The following CHD4 variants were observed in gnomAD, a reference collection of about 807,000 sequenced individuals.
CHD4 encodes the protein ATP-dependent chromatin remodeler CHD4.
Under a neutral mutation model 235.5 loss-of-function variants are expected in CHD4, and 35 were observed. The ratio of observed to expected loss-of-function variants is 0.15; its 90% confidence interval spans 0.11 to 0.20. The LOEUF is 0.20. Ranked by LOEUF, CHD4 falls within the 10% of genes least tolerant of loss-of-function variation. The pLI is 1.00. For missense variants in CHD4, 1,329 were observed against 2,432.3 expected, an observed-to-expected ratio of 0.55 and a Z score of 9.54; for synonymous variants, 900 against 850.2, an observed-to-expected ratio of 1.06 and a Z score of -1.02.
At chr12:6,591,282 A>G (rs1948395414) in intron 22 of CHD4, 184 bp downstream of exon 22, 4 of 560,492 alleles carry the variant, frequency 7.1e-6, no homozygotes, top group Non-Finnish European at 1.2e-5. Context: ...AAATACCCCA[A>G]AAGAAAAAAT....
chr12:6,584,292 A>G (rs1202741068), intron 25 of CHD4: 1 of 152,190 alleles, frequency 6.6e-6, no homozygotes, highest in Non-Finnish European at 1.5e-5. Context: ...TACACATAAA[A>G]TATTTTTGGA....
chr12:6,602,008 G>C lies in CHD4; in HGVS notation c.390C>G (p.Ser130=). ...CCTCCTCCTCCTCCTCCTTCCGCTT[G>C]GATTTGCTCTTCTTCTCTTTCTTAG... is the stretch of plus-strand genomic sequence containing the variant. ...LGPKKEKKSK[S]KRKEEEEEED... is the part of the protein sequence containing the mutation. The change falls in exon 4 of 40, where the codon TCC becomes TCG. Residue 130 remains serine, a synonymous_variant. Coordinates refer to ENST00000544040, the MANE Select transcript of CHD4 (RefSeq NM_001273.5). 6.2e-7 allele frequency: 1 copy of C among 1,611,178 alleles called. No individual in the cohort carries two copies. The highest frequency in any genetic ancestry group is 8.5e-7 in the Non-Finnish European group (1 of 1,179,910).
At chr12:6,599,630 C>G in intron 10 of CHD4, 143 bp downstream of exon 10, 1 of 1,026,198 alleles carries the variant, frequency 9.7e-7, no homozygotes, top group Non-Finnish European at 1.4e-6. Context: ...ACAAAAGTAT[C>G]CCAACACTAT....
At chr12:6,604,634 C>G (rs1165170999) in intron 2 of CHD4, among the ~76,000 whole-genome samples, 1 of 152,120 alleles carries the variant, frequency 6.6e-6, no homozygotes, top group African/African-American at 2.4e-5. Flanking sequence ...AAAGACAACC[C>G]ATGGAGGCAA....
At position 6,601,291 on chromosome 12, in the gene CHD4, T is replaced by C. The variant is rs1478217768; in HGVS notation, c.797A>G (p.Lys266Arg). 6 of 1,613,576 alleles carry C rather than the reference T, an allele frequency of 3.7e-6. No individual in the cohort carries two copies. Among genetic ancestry groups the C allele is most frequent in the Non-Finnish European group, 5.1e-6 (6 of 1,179,674 alleles). The change falls in exon 6 of 40, where the codon AAA becomes AGA. Residue 266 changes from lysine (K) to arginine (R), a missense_variant and splice_region_variant. Transcript: ENST00000544040. ...CTCCCATTTGAACCCCATTTCACCTTTGCCCTCCTTGGTCTTGGCCTTGCG... is the reference window on the plus strand; with the variant it reads ...CTCCCATTTGAACCCCATTTCACCTCTGCCCTCCTTGGTCTTGGCCTTGCG... ...PIRKAKTKEGKGPNARRKPKG... is the reference protein window; with the variant it reads ...PIRKAKTKEGRGPNARRKPKG...
chr12:6,583,665 T>G, intron 25 of CHD4: 1 of 348,152 alleles, frequency 2.9e-6, no homozygotes, highest in Non-Finnish European at 5.1e-6. Flanking sequence ...CCCCTTGCAC[T>G]GATGCATATA....
At position 6,600,024 on chromosome 12, in the gene CHD4, G is replaced by C; in HGVS notation, c.1243-12C>G. 1 of 1,613,636 alleles carries C rather than the reference G, an allele frequency of 6.2e-7. No homozygotes were observed. On this transcript the variant is annotated splice_polypyrimidine_tract_variant and intron_variant, in intron 9 of 39. Coordinates refer to ENST00000544040, the MANE Select transcript of CHD4 (RefSeq NM_001273.5). The stretch of plus-strand genomic sequence containing the variant: ...ATGCCTTCCTTCTCCTGCAGTAAAG[G>C]ACCACAGATTCAGATTATTACCCCC...
intron 23 of CHD4, 127 bp downstream of exon 23, chr12:6,588,171 A>C: frequency 7.5e-7 from 1 of 1,336,764 alleles, no homozygotes; most frequent in East Asian, 2.3e-5. Context: ...TAAGGTAAAC[A>C]ACACAAAAAG....
chr12:6,583,658 C>G, intron 25 of CHD4: 1 of 372,500 alleles, frequency 2.7e-6, no homozygotes, highest in Admixed American at 4.3e-5. Context: ...CTTCTAACCC[C>G]TTGCACTGAT....
intron 18 of CHD4, 62 bp downstream of exon 18, chr12:6,592,634 A>G: frequency 6.3e-7 from 1 of 1,588,392 alleles, no homozygotes; most frequent in Non-Finnish European, 8.6e-7. Flanking sequence ...GATACAGGAA[A>G]TGGGCAACAG....
chr12:6,570,109 A>G lies in CHD4; in HGVS notation c.*567T>C, dbSNP rs1947931311. On this transcript the variant is annotated 3_prime_UTR_variant, in exon 40 of 40. Transcript: ENST00000544040. ...AAATACAAGGAAACTTTTATTTTCA[A>G]TTTTCATCAAGAAATTTGCTGTGGT... The G allele has an allele frequency of 6.5e-6, 1 of 152,750 alleles. No homozygotes were observed. The highest frequency in any genetic ancestry group is 2.4e-5 in the African/African-American group (1 of 41,312). The allele number at this position is 152,750 out of a possible 1,614,324, so 9.5% of individuals were successfully genotyped here.
At chr12:6,582,543 A>G in intron 29 of CHD4, 72 bp downstream of exon 29, 2 of 1,542,542 alleles carry the variant, frequency 1.3e-6, no homozygotes, top group Non-Finnish European at 1.7e-6. Flanking sequence ...GGCTAGGCCT[A>G]GAACCATGGA....
chr12:6,585,770 G>C, intron 25 of CHD4, among the ~76,000 whole-genome samples: 1 of 143,008 alleles, frequency 7.0e-6, no homozygotes, highest in African/African-American at 2.6e-5. Context: ...GCCTGGGCGG[G>C]AAAGCAAGAC....
intron 7 of CHD4, 46 bp downstream of exon 7, chr12:6,600,880 C>T (rs377625333): frequency 7.8e-6 from 12 of 1,535,184 alleles, no homozygotes; most frequent in Non-Finnish European, 1.0e-5. Flanking sequence ...CACATCCTTT[C>T]TATTAGACAT....
Position 6,591,835 on chromosome 12 carries a change from A to C in CHD4, c.3091-10T>G. 6.2e-7 allele frequency: 1 copy of C among 1,613,958 alleles called. No individual in the cohort carries two copies. Among genetic ancestry groups the C allele is most frequent in the Non-Finnish European group, 8.5e-7 (1 of 1,179,972 alleles). ...GCATCTTAGGAGCTTCCTGAGAACA[A>C]ATGCAAAGAAAAAAGTATTAAAAGA... is the stretch of plus-strand genomic sequence containing the variant. On this transcript the variant is annotated splice_polypyrimidine_tract_variant and intron_variant, in intron 20 of 39. Coordinates refer to ENST00000544040, the MANE Select transcript of CHD4 (RefSeq NM_001273.5).
At chr12:6,590,432 T>C (rs1199231981) in intron 22 of CHD4, among the ~76,000 whole-genome samples, 1 of 152,202 alleles carries the variant, frequency 6.6e-6, no homozygotes, top group Non-Finnish European at 1.5e-5. Context: ...TAAGAGAAGC[T>C]AGCTAGTTGA....
chr12:6,606,133 G>A (rs1948692009), intron 2 of CHD4, 141 bp downstream of exon 2: 4 of 590,528 alleles, frequency 6.8e-6, no homozygotes, highest in Non-Finnish European at 5.9e-6. Flanking sequence ...TCCGCAGAAG[G>A]GAACCACTCC....
intron 14 of CHD4, among the ~76,000 whole-genome samples, chr12:6,594,968 CT>C: frequency 6.6e-6 from 1 of 152,238 alleles, no homozygotes; most frequent in South Asian, 2.1e-4. Flanking sequence ...TTAGATTCAT[CT>C]TTTTAACTTT....
chr12:6,592,368 T>C (rs1265527580), intron 19 of CHD4, 25 bp downstream of exon 19: 1 of 1,556,158 alleles, frequency 6.4e-7, no homozygotes, highest in Non-Finnish European at 8.7e-7. Flanking sequence ...CTAAATGGAG[T>C]CTGCTTCTGT....
Sources: allele counts gnomAD v4.1 joint callset (sites outside exome capture counted in the v4.1 genomes callset), GRCh38; gene constraint gnomAD v4.1.1; transcripts MANE v1.5; gene names NCBI Gene and HGNC (gene_info 2026-07-23, HGNC 2026-07-21).